Variants in IQGAP2 observed in about 807,000 individuals in gnomAD.
The protein encoded by IQGAP2 is IQ motif containing GTPase activating protein 2.
IQGAP2 carries 173 observed loss-of-function variants against 201.3 expected under a neutral mutation model. The observed-to-expected ratio is 0.86, with a 90% confidence interval of 0.76 to 0.98. The LOEUF (loss-of-function observed/expected upper bound fraction) is 0.98. IQGAP2 is among the 50% of genes least tolerant of loss of function. The pLI is 0.00. For synonymous variants in IQGAP2, 675 were observed against 673.9 expected, an observed-to-expected ratio of 1.00 and a Z score of -0.03; for missense variants, 1,687 against 1,864.8, an observed-to-expected ratio of 0.90 and a Z score of 1.76.
Position 76,562,441 on chromosome 5 carries a change from A to G in IQGAP2, c.192A>G (p.Glu64=), listed in dbSNP as rs1744445534. 6.2e-7 allele frequency: 1 copy of G among 1,613,984 alleles called. No individual in the cohort carries two copies. Among genetic ancestry groups the G allele is most frequent in the Non-Finnish European group, 8.5e-7 (1 of 1,179,920 alleles). The part of the protein sequence containing the change: ...CLVEELPPTT[E]LEEGLRNGVY... ...TTGAAGAATTGCCACCAACCACTGAATTGGAAGAAGGGCTCCGGAATGGAG... is the reference window on the plus strand; with the variant it reads ...TTGAAGAATTGCCACCAACCACTGAGTTGGAAGAAGGGCTCCGGAATGGAG... Residue 64 remains glutamate, a synonymous_variant, in exon 3 of 36, where the codon GAA becomes GAG. Coordinates refer to ENST00000274364, the MANE Select transcript of IQGAP2 (RefSeq NM_006633.5).
At chr5:76,422,065 T>G (rs1035513897) in intron 1 of IQGAP2, among the ~76,000 whole-genome samples, 4 of 152,220 alleles carry the variant, frequency 2.6e-5, no homozygotes, top group Non-Finnish European at 5.9e-5. Context: ...TAAAGGTGTT[T>G]AGACAATTCC....
At chr5:76,536,061 T>C in intron 2 of IQGAP2, among the ~76,000 whole-genome samples, 1 of 118,720 alleles carries the variant, frequency 8.4e-6, no homozygotes, top group African/African-American at 3.3e-5. Context: ...TCCAGGAGCA[T>C]ATTCTTTTTT....
chr5:76,671,750 C>CT lies in IQGAP2; in HGVS notation c.2844-3dup. 2 of 1,572,934 alleles carry CT rather than the reference C, an allele frequency of 1.3e-6. No individual in the cohort carries two copies. Among genetic ancestry groups the CT allele is most frequent in the Non-Finnish European group, 8.7e-7 (1 of 1,146,562 alleles). The stretch of plus-strand genomic sequence containing the variant: ...GCAAACCATTTTGTTTTGTCTTGGG[C>CT]TTTTTTAGATCAAAAGTGGACCAGG... On this transcript the variant is annotated splice_polypyrimidine_tract_variant and intron_variant, in intron 23 of 35. Coordinates refer to ENST00000274364, the MANE Select transcript of IQGAP2 (RefSeq NM_006633.5).
intron 1 of IQGAP2, among the ~76,000 whole-genome samples, chr5:76,407,505 G>A (rs544094691): frequency 5.9e-5 from 9 of 152,176 alleles, no homozygotes; most frequent in East Asian, 1.9e-4. Context: ...CAGTGCTTTC[G>A]TTTGAACCAT....
intron 13 of IQGAP2, chr5:76,618,408 A>T: frequency 6.2e-7 from 1 of 1,614,224 alleles, no homozygotes. Flanking sequence ...CAGGAGGTAG[A>T]TGGCAGGTAT....
intron 13 of IQGAP2, chr5:76,623,403 G>T (rs188805704): frequency 1.5e-6 from 1 of 657,580 alleles, no homozygotes; most frequent in African/African-American, 1.8e-5. Context: ...CGCAGGGAAA[G>T]GATGTAATCC....
At chr5:76,448,650 G>A (rs1318013440) in intron 1 of IQGAP2, among the ~76,000 whole-genome samples, 1 of 152,054 alleles carries the variant, frequency 6.6e-6, no homozygotes, top group Non-Finnish European at 1.5e-5. Context: ...GAGGAAATGG[G>A]GAAGCAAGGA....
intron 2 of IQGAP2, among the ~76,000 whole-genome samples, chr5:76,534,373 A>G (rs1192356653): frequency 6.6e-6 from 1 of 152,204 alleles, no homozygotes; most frequent in African/African-American, 2.4e-5. Flanking sequence ...GTGAACACCC[A>G]ACATCCTTTG....
chr5:76,572,716 G>A (rs1436340594), intron 4 of IQGAP2, among the ~76,000 whole-genome samples: 4 of 152,080 alleles, frequency 2.6e-5, no homozygotes, highest in Admixed American at 2.6e-4. Context: ...GGGATTACAG[G>A]CATGAGCCAC....
intron 30 of IQGAP2, among the ~76,000 whole-genome samples, chr5:76,691,248 G>T (rs1746237807): frequency 6.6e-6 from 1 of 152,146 alleles, no homozygotes. Flanking sequence ...GAAACAGGCT[G>T]TGTGAGCAGT....
At position 76,670,287 on chromosome 5, in the gene IQGAP2, G is replaced by A. The variant is rs188010276; in HGVS notation, c.2843+1443G>A. On this transcript the variant is annotated intron_variant, in intron 23 of 35. Transcript: ENST00000274364. ...AGCACTTTGGGAGGCCAAGACAGGC[G>A]GATCACGAGGTCAGGAGATCAAGAC... Among the ~76,000 whole-genome samples, 155 of 152,144 alleles carry A rather than the reference G, an allele frequency of 1.0e-3. 1 individual carries two copies. Among genetic ancestry groups the A allele is most frequent in the Non-Finnish European group, 1.7e-3 (114 of 68,004 alleles).
chr5:76,680,321 A>G (rs1450723822), intron 28 of IQGAP2, among the ~76,000 whole-genome samples: 2 of 152,210 alleles, frequency 1.3e-5, no homozygotes, highest in African/African-American at 2.4e-5. Flanking sequence ...TCCACTCTAT[A>G]CAAAAAGTGA....
intron 22 of IQGAP2, among the ~76,000 whole-genome samples, chr5:76,666,426 T>G (rs1395070204): frequency 6.6e-6 from 1 of 152,200 alleles, no homozygotes; most frequent in Non-Finnish European, 1.5e-5. Flanking sequence ...TTCTTTAGAA[T>G]TTAGTTTTCT....
chr5:76,505,476 G>T (rs577294100), intron 2 of IQGAP2, among the ~76,000 whole-genome samples: 2 of 152,278 alleles, frequency 1.3e-5, no homozygotes, highest in African/African-American at 4.8e-5. Context: ...GAATGGAGCA[G>T]GACTTCTTCT....
At chr5:76,512,748 A>G (rs1758053823) in intron 2 of IQGAP2, among the ~76,000 whole-genome samples, 1 of 152,244 alleles carries the variant, frequency 6.6e-6, no homozygotes, top group African/African-American at 2.4e-5. Context: ...TATACTATGT[A>G]TGAGTTTTTA....
chr5:76,550,690 G>A (rs1290381599), intron 2 of IQGAP2, among the ~76,000 whole-genome samples: 2 of 152,196 alleles, frequency 1.3e-5, no homozygotes, highest in African/African-American at 4.8e-5. Flanking sequence ...CGATCAACAG[G>A]ATCACAAGGC....
At chr5:76,592,448 A>G (rs1746726178) in intron 8 of IQGAP2, among the ~76,000 whole-genome samples, 1 of 152,208 alleles carries the variant, frequency 6.6e-6, no homozygotes, top group South Asian at 2.1e-4. Context: ...AAAAATGCTT[A>G]TAGTACTTCT....
chr5:76,538,424 A>G (rs987210715), intron 2 of IQGAP2, among the ~76,000 whole-genome samples: 4 of 152,226 alleles, frequency 2.6e-5, no homozygotes, highest in African/African-American at 9.7e-5. Flanking sequence ...TTCCAGGGCA[A>G]TGGAGGTAGT....
At chr5:76,692,836 T>C (rs2150536483) in intron 30 of IQGAP2, among the ~76,000 whole-genome samples, 1 of 152,306 alleles carries the variant, frequency 6.6e-6, no homozygotes, top group Non-Finnish European at 1.5e-5. Context: ...ACACTGAACG[T>C]TCGCTCCCAC....
Sources: allele counts gnomAD v4.1 joint callset (sites outside exome capture counted in the v4.1 genomes callset), GRCh38; gene constraint gnomAD v4.1.1; transcripts MANE v1.5; gene names NCBI Gene and HGNC (gene_info 2026-07-23, HGNC 2026-07-21).